RBM39: variants seen among roughly 807,000 people sequenced by gnomAD.
The protein encoded by RBM39 is RNA-binding protein 39.
In RBM39, 12 loss-of-function variants were observed where a neutral mutation model predicts 79.6. The ratio of observed to expected loss-of-function variants is 0.15; its 90% CI spans 0.10 to 0.24. The LOEUF (loss-of-function observed/expected upper bound fraction) is 0.24. Among genes scored for constraint, RBM39 ranks in the 10% least tolerant of loss-of-function variants. The pLI is 1.00. For synonymous variants in RBM39, 185 were observed against 208.4 expected, an observed-to-expected ratio of 0.89 and a Z score of 0.97; for missense variants, 243 against 653.4, an observed-to-expected ratio of 0.37 and a Z score of 6.85.
chr20:35,738,225 G>A (rs1011205178), intron 3 of RBM39, among the ~76,000 whole-genome samples: 1 of 149,084 alleles, frequency 6.7e-6, no homozygotes, highest in Non-Finnish European at 1.5e-5. Context: ...CCCAGACTGC[G>A]CCACTGCGCT....
rs1283802724 is a variant in RBM39, at chr20:35,703,136, TAA to T, written c.*1343_*1344del. Reference sequence around the variant, plus strand: ...CCTACTCAAAAGATTTACCAAGAGATAAACAGTTGAAGAGAATTGAGTATAAA... The same window carrying T: ...CCTACTCAAAAGATTTACCAAGAGATACAGTTGAAGAGAATTGAGTATAAA... On this transcript the variant is annotated 3_prime_UTR_variant, in exon 17 of 17. Transcript: ENST00000253363. 1 of 152,102 alleles carries T rather than the reference TAA, an allele frequency of 6.6e-6. No individual in the cohort carries two copies. The highest frequency in any genetic ancestry group is 1.5e-5 in the Non-Finnish European group (1 of 68,014). 9.4% of individuals were successfully genotyped at this position (152,102 alleles called of 1,614,324 possible).
chr20:35,717,243 G>A (rs1779947799), intron 9 of RBM39, among the ~76,000 whole-genome samples: 2 of 150,972 alleles, frequency 1.3e-5, no homozygotes, highest in South Asian at 4.2e-4. Flanking sequence ...GCACGCCACT[G>A]TACTCCAGCC....
At chr20:35,721,973 T>C (rs781375601) in intron 8 of RBM39, 96 bp from the exon 9 acceptor site, 21 of 1,395,878 alleles carry the variant, frequency 1.5e-5, no homozygotes, top group Non-Finnish European at 2.0e-5. Flanking sequence ...AAGTTTAGAG[T>C]GATAAAAATA....
chr20:35,717,534 G>A (rs774743017), intron 9 of RBM39, among the ~76,000 whole-genome samples: 3 of 151,990 alleles, frequency 2.0e-5, no homozygotes, highest in East Asian at 1.9e-4. Context: ...AGACAGAATC[G>A]TAAAAATGGA....
At position 35,729,455 on chromosome 20, in the gene RBM39, T is replaced by A; in HGVS notation, c.362+7A>T. The A allele has an allele frequency of 6.2e-7, 1 of 1,613,478 alleles. No individual in the cohort carries two copies. On this transcript the variant is annotated splice_region_variant and intron_variant, in intron 5 of 16. Coordinates refer to ENST00000253363, the MANE Select transcript of RBM39 (RefSeq NM_184234.3). ...AATTTAAACAATTCAGAAGTATGTT[T>A]AAAAACCTTAATTTGATGCTATGAG...
rs2035300248 is a variant in RBM39, at chr20:35,701,880, G to GCAC, written c.*2598_*2600dup. On this transcript the variant is annotated 3_prime_UTR_variant, in exon 17 of 17. Transcript: ENST00000253363. ...CAGTGTTCACATATACAGGCATAAG[G>GCAC]CACCACGTCCAGCCCGAGGTTGTTA... 6.6e-6 allele frequency: 1 copy of GCAC among 151,482 alleles called. No homozygotes were observed. Among genetic ancestry groups the GCAC allele is most frequent in the Admixed American group, 6.6e-5 (1 of 15,226 alleles). The allele number at this position is 151,482 out of a possible 1,614,324, so 9.4% of individuals were successfully genotyped here. A position where few individuals can be genotyped will look rare whatever the true frequency, so the allele number is the denominator to read the frequency against.
chr20:35,704,692 C>T lies in RBM39; in HGVS notation c.1468G>A (p.Ala490Thr). 1 of 1,614,072 alleles carries T rather than the reference C, an allele frequency of 6.2e-7. No homozygotes were observed. The highest frequency in any genetic ancestry group is 8.5e-7 in the Non-Finnish European group (1 of 1,179,974). ...SIAAAIAAVN[A>T]LHGRWFAGKM... ...CCAGCAAACCACCTGCCATGCAATG[C>T]ATTGACAGCAGCAATAGCTGCAGCA... Residue 490 changes from alanine to threonine, a missense_variant, in exon 16 of 17, where the codon GCA becomes ACA. Around this residue, in one of 4 missense-constraint regions of RBM39, gnomAD observed 48 missense variants for 130.2 expected, o/e 0.37. Transcript: ENST00000253363.
At chr20:35,709,910 A>G (rs933363432) in intron 12 of RBM39, among the ~76,000 whole-genome samples, 4 of 152,208 alleles carry the variant, frequency 2.6e-5, no homozygotes, top group African/African-American at 9.6e-5. Flanking sequence ...AGGCAGAAAT[A>G]AAAATCTCTG....
chr20:35,719,152 C>G (rs1333194906), intron 9 of RBM39, among the ~76,000 whole-genome samples: 1 of 152,074 alleles, frequency 6.6e-6, no homozygotes, highest in Admixed American at 6.6e-5. Flanking sequence ...GTCTGAGCCT[C>G]CAGAGTAAGC....
At chr20:35,718,312 G>A (rs2037432448) in intron 9 of RBM39, among the ~76,000 whole-genome samples, 1 of 151,700 alleles carries the variant, frequency 6.6e-6, no homozygotes, top group African/African-American at 2.4e-5. Flanking sequence ...GCTGCCTCTA[G>A]AAAAGGAGTA....
intron 8 of RBM39, among the ~76,000 whole-genome samples, chr20:35,722,850 C>A (rs1028296964): frequency 6.6e-6 from 1 of 151,220 alleles, no homozygotes; most frequent in African/African-American, 2.4e-5. Flanking sequence ...AGGAGAATGG[C>A]GTGAACCCAG....
At chr20:35,730,787 G>T (rs957593241) in intron 4 of RBM39, among the ~76,000 whole-genome samples, 3 of 152,010 alleles carry the variant, frequency 2.0e-5, no homozygotes, top group Non-Finnish European at 4.4e-5. Flanking sequence ...CAAAAGCAGA[G>T]AAGTTCCTAA....
intron 11 of RBM39, chr20:35,713,317 C>CT (rs202093615): frequency 0.031 from 11,502 of 365,826 alleles, 51 homozygotes; most frequent in East Asian, 0.049. Flanking sequence ...GTGAAACTCT[C>CT]TTTTTTTTTT....
In RBM39 at chr20:35,726,973, C is replaced by T. The variant is rs978611887; in HGVS notation, c.417-1818G>A. On this transcript the variant is annotated intron_variant, in intron 6 of 16. Coordinates refer to ENST00000253363, the MANE Select transcript of RBM39 (RefSeq NM_184234.3). ...CCGAGTAACTGGGATTACACGCACG[C>T]GCCACTACATCCGGCTAATTTTTGT... 5.9e-5 allele frequency among the ~76,000 whole-genome samples: 9 copies of T among 151,354 alleles called. No homozygotes were observed. The East Asian group carries it at 7.7e-4, about 13-fold the overall frequency.
At chr20:35,730,887 G>C (rs929877369) in intron 4 of RBM39, among the ~76,000 whole-genome samples, 7 of 152,240 alleles carry the variant, frequency 4.6e-5, no homozygotes, top group African/African-American at 1.7e-4. Context: ...GAGGAAACCA[G>C]CATCACGGAG....
At chr20:35,728,315 C>T (rs185736668) in intron 6 of RBM39, among the ~76,000 whole-genome samples, 5 of 152,266 alleles carry the variant, frequency 3.3e-5, no homozygotes, top group Non-Finnish European at 7.3e-5. Flanking sequence ...ACGTTGCCAA[C>T]ACAAAGAAAC....
At chr20:35,705,787 CAA>C (rs201075378) in intron 14 of RBM39, among the ~76,000 whole-genome samples, 5 of 127,510 alleles carry the variant, frequency 3.9e-5, no homozygotes, top group Non-Finnish European at 3.4e-5. Flanking sequence ...AACTCCGTCT[CAA>C]AAAAAAAAAA....
At chr20:35,738,130 TG>T (rs2040161554) in intron 3 of RBM39, among the ~76,000 whole-genome samples, 1 of 150,158 alleles carries the variant, frequency 6.7e-6, no homozygotes, top group African/African-American at 2.5e-5. Context: ...CACCCCAGCC[TG>T]GGCGACACTG....
chr20:35,740,380 G>T, intron 2 of RBM39: 1 of 380,514 alleles, frequency 2.6e-6, no homozygotes. Flanking sequence ...CCACAGACTG[G>T]TCATGCTTTG....
Sources: allele counts gnomAD v4.1 joint callset (sites outside exome capture counted in the v4.1 genomes callset), GRCh38; gene constraint gnomAD v4.1.1; regional missense constraint gnomAD v4.1.1; transcripts MANE v1.5; gene names NCBI Gene and HGNC (gene_info 2026-07-23, HGNC 2026-07-21).